The following ADGRF3 variants were observed in gnomAD, a reference collection of about 807,000 sequenced individuals.
ADGRF3 encodes the protein G protein-coupled receptor 113.
In ADGRF3, 85 loss-of-function variants were observed where a neutral mutation model predicts 93.2. The observed-to-expected ratio is 0.91, with a 90% CI of 0.77 to 1.09. The LOEUF (loss-of-function observed/expected upper bound fraction) is 1.09. Among genes scored for constraint, ADGRF3 ranks in the 50% least tolerant of loss-of-function variants. The pLI, the probability that ADGRF3 is intolerant of heterozygous loss-of-function variation, is 0.00. For missense variants in ADGRF3, 1,125 were observed against 1,246.2 expected (o/e 0.90, Z 1.46); for synonymous variants, 534 against 532.5 (o/e 1.00, Z -0.04).
rs1255691981 is a variant in ADGRF3, at chr2:26,310,024, T to A, written c.2937+19A>T. 6.2e-7 allele frequency: 1 copy of A among 1,613,904 alleles called. No homozygotes were observed. The highest frequency in any genetic ancestry group is 8.5e-7 in the Non-Finnish European group (1 of 1,179,900). On this transcript the variant is annotated intron_variant, in intron 12 of 13. Transcript: ENST00000651242. Reference sequence around the variant, plus strand: ...ATGCTCTTGGATGCACAGCTGAGGATCTGAAGGCAGCAACTCACCAGGGAG... The same window carrying A: ...ATGCTCTTGGATGCACAGCTGAGGAACTGAAGGCAGCAACTCACCAGGGAG...
chr2:26,331,867 A>G (rs1294550696), intron 1 of ADGRF3, among the ~76,000 whole-genome samples: 1 of 152,080 alleles, frequency 6.6e-6, no homozygotes, highest in African/African-American at 2.4e-5. Context: ...TAAATCATTT[A>G]TGCTATTTAT....
chr2:26,327,048 G>A (rs772804928), intron 1 of ADGRF3, among the ~76,000 whole-genome samples: 2 of 152,262 alleles, frequency 1.3e-5, no homozygotes, highest in South Asian at 2.1e-4. Context: ...GGGATTACAG[G>A]AGTGAGCCAC....
chr2:26,309,935 A>G, intron 12 of ADGRF3, 108 bp downstream of exon 12: 2 of 1,610,948 alleles, frequency 1.2e-6, no homozygotes, highest in Non-Finnish European at 1.7e-6. Context: ...AAACAACCCC[A>G]ATCTTCTCTC....
intron 9 of ADGRF3, among the ~76,000 whole-genome samples, chr2:26,312,670 C>T (rs547026208): frequency 6.6e-6 from 1 of 152,352 alleles, no homozygotes; most frequent in East Asian, 1.9e-4. Context: ...ATCATAGCCA[C>T]ACGCCTGCAT....
intron 1 of ADGRF3, chr2:26,317,921 G>A (rs569642344): frequency 5.5e-4 from 556 of 1,013,460 alleles, no homozygotes; most frequent in Non-Finnish European, 7.9e-4. Context: ...GGCGCTTGGG[G>A]AGTTTATTCC....
At chr2:26,317,259 C>T (rs991189191) in intron 2 of ADGRF3, among the ~76,000 whole-genome samples, 3 of 152,164 alleles carry the variant, frequency 2.0e-5, no homozygotes, top group African/African-American at 7.2e-5. Flanking sequence ...GGCTTCATGT[C>T]ATCCGTCCAG....
chr2:26,315,505 G>A lies in ADGRF3; in HGVS notation c.718+17C>T. On this transcript the variant is annotated intron_variant, in intron 5 of 13. Transcript: ENST00000651242. ...AGAGGAAGGAGAAAGGAGGCAAGGA[G>A]AGGACAGGCTGGCTACCTGCCCAGT... is the stretch of plus-strand genomic sequence containing the variant. 6.5e-7 allele frequency: 1 copy of A among 1,545,576 alleles called. No individual in the cohort carries two copies. The highest frequency in any genetic ancestry group is 8.8e-7 in the Non-Finnish European group (1 of 1,142,222).
intron 1 of ADGRF3, among the ~76,000 whole-genome samples, chr2:26,329,211 C>T (rs926415276): frequency 2.6e-5 from 4 of 152,232 alleles, no homozygotes; most frequent in Admixed American, 1.3e-4. Flanking sequence ...TCATGGCTCA[C>T]TGCCGCCTTG....
intron 1 of ADGRF3, among the ~76,000 whole-genome samples, chr2:26,320,789 A>G (rs1183180494): frequency 1.3e-5 from 2 of 152,228 alleles, no homozygotes; most frequent in Non-Finnish European, 2.9e-5. Flanking sequence ...CAAGCAACAC[A>G]TTACTTAAAG....
chr2:26,311,471 T>G lies in ADGRF3; in HGVS notation c.2053A>C (p.Thr685Pro), dbSNP rs1338835164. 6.2e-6 allele frequency: 10 copies of G among 1,613,858 alleles called. No homozygotes were observed. Among genetic ancestry groups the G allele is most frequent in the Non-Finnish European group, 8.5e-6 (10 of 1,179,896 alleles). ...GGGGACATGAGGACGGAGAAGGCAGTGAGGTGCTGGCAGAGGCACTGAGCA... is the reference window on the plus strand; with the variant it reads ...GGGGACATGAGGACGGAGAAGGCAGGGAGGTGCTGGCAGAGGCACTGAGCA... ...PTAQCLCQHL[T>P]AFSVLMSPHT... Residue 685 changes from threonine (T) to proline (P), a missense_variant, in exon 10 of 14, where the codon ACT (threonine) becomes CCT (proline). Thr to Pro is a conservative substitution (Grantham distance 38). Transcript: ENST00000651242.
chr2:26,310,351 C>T (rs1673964337), intron 10 of ADGRF3, 114 bp from the exon 11 acceptor site: 1 of 1,169,204 alleles, frequency 8.6e-7, no homozygotes, highest in Non-Finnish European at 1.2e-6. Context: ...CTCAATTTTT[C>T]TGTTACCACT....
At chr2:26,334,798 A>G (rs1320543870) in intron 1 of ADGRF3, among the ~76,000 whole-genome samples, 1 of 152,204 alleles carries the variant, frequency 6.6e-6, no homozygotes, top group Non-Finnish European at 1.5e-5. Context: ...AGCTTTGCAT[A>G]ATTTGCAATA....
rs72811754 is a variant in ADGRF3 at position 26,311,030 on chromosome 2, C to T, written c.2494G>A (p.Val832Ile). 3.4e-3 allele frequency: 5,484 copies of T among 1,611,650 alleles called. 20 individuals are homozygous for T. The highest frequency in any genetic ancestry group is 3.9e-3 in the Non-Finnish European group (4,591 of 1,178,948). The change falls in exon 10 of 14, where the codon GTC becomes ATC. Residue 832 changes from valine to isoleucine, a missense_variant. By Grantham distance (29) the Val-to-Ile change is conservative (BLOSUM62 3). Transcript: ENST00000651242. ...TGAGGTAGGTAGAGCCCCAGGGTGA[C>T]ACCTGCCAACCCCAGTGGGCACAGG... The part of the protein sequence containing the change: ...GYLCPLGLAG[V>I]TLGLYLPQGQ...
chr2:26,344,000 T>C (rs1437959956), intron 1 of ADGRF3, among the ~76,000 whole-genome samples: 1 of 152,224 alleles, frequency 6.6e-6, no homozygotes. Flanking sequence ...TAGAAAACAA[T>C]TTTAAGAATC....
chr2:26,313,658 G>A, intron 7 of ADGRF3, 85 bp from the exon 8 acceptor site: 1 of 1,565,730 alleles, frequency 6.4e-7, no homozygotes, highest in Admixed American at 1.8e-5. Flanking sequence ...GGGCCCCGAA[G>A]CCTGGTCCTG....
intron 1 of ADGRF3, among the ~76,000 whole-genome samples, chr2:26,324,732 A>T (rs1675350606): frequency 6.6e-6 from 1 of 152,200 alleles, no homozygotes; most frequent in Non-Finnish European, 1.5e-5. Context: ...ATTGATGGGC[A>T]TTTAGGTTGA....
At chr2:26,343,529 T>C (rs1244571201) in intron 1 of ADGRF3, among the ~76,000 whole-genome samples, 3 of 151,942 alleles carry the variant, frequency 2.0e-5, no homozygotes, top group Non-Finnish European at 4.4e-5. Flanking sequence ...AAGCTCCGCC[T>C]CCCGGGTTCA....
chr2:26,315,707 T>G lies in ADGRF3; in HGVS notation c.533A>C (p.Gln178Pro), dbSNP rs1298864442. 1 of 1,551,504 alleles carries G rather than the reference T, an allele frequency of 6.4e-7. No homozygotes were observed. The highest frequency in any genetic ancestry group is 8.7e-7 in the Non-Finnish European group (1 of 1,146,980). Residue 178 changes from glutamine to proline, a missense_variant, in exon 5 of 14, where the codon CAG (glutamine) becomes CCG (proline). Coordinates refer to ENST00000651242, the MANE Select transcript of ADGRF3 (RefSeq NM_001321971.2). ...PGILNLNSQLQMPGDTLSLTL... is the reference protein window; with the variant it reads ...PGILNLNSQLPMPGDTLSLTL... ...CAGGCTCAGCGTGTCACCAGGCATCTGCAGCTGGGAGTTCAGGTTGAGGAT... is the reference window on the plus strand; with the variant it reads ...CAGGCTCAGCGTGTCACCAGGCATCGGCAGCTGGGAGTTCAGGTTGAGGAT...
intron 1 of ADGRF3, among the ~76,000 whole-genome samples, chr2:26,342,097 T>A (rs1676432104): frequency 7.0e-6 from 1 of 143,278 alleles, no homozygotes. Context: ...TGACTTGTGA[T>A]TTTTTTTTTT....
Sources: allele counts gnomAD v4.1 joint callset (sites outside exome capture counted in the v4.1 genomes callset), GRCh38; gene constraint gnomAD v4.1.1; transcripts MANE v1.5; gene names NCBI Gene and HGNC (gene_info 2026-07-23, HGNC 2026-07-21).